Variants in ADD1 observed in about 807,000 individuals in gnomAD.
ADD1 encodes adducin 1, also known as alpha-adducin.
ADD1 carries 24 observed loss-of-function variants against 80.5 expected under a neutral mutation model. That is an observed-to-expected ratio of 0.30 (90% CI 0.22 to 0.42). ADD1 has a LOEUF of 0.42. Among genes scored for constraint, ADD1 ranks in the 10% least tolerant of loss-of-function variants. ADD1 has a pLI of 1.00. For missense variants in ADD1, 948 were observed against 1,019.0 expected (o/e 0.93, Z 0.95); for synonymous variants, 373 against 393.8 (o/e 0.95, Z 0.63).
At chr4:2,888,084 G>A (rs563049951) in intron 4 of ADD1, among the ~76,000 whole-genome samples, 1 of 152,104 alleles carries the variant, frequency 6.6e-6, no homozygotes, top group South Asian at 2.1e-4. Context: ...TTTTGAGACA[G>A]GGTCTCACTC....
chr4:2,925,178 G>A (rs2109216505), intron 14 of ADD1, among the ~76,000 whole-genome samples: 1 of 152,318 alleles, frequency 6.6e-6, no homozygotes, highest in East Asian at 1.9e-4. Flanking sequence ...GGTTGAGGCT[G>A]TATGCTCACT....
At chr4:2,885,326 A>G (rs1428519308) in intron 4 of ADD1, among the ~76,000 whole-genome samples, 1 of 152,122 alleles carries the variant, frequency 6.6e-6, no homozygotes, top group East Asian at 1.9e-4. Flanking sequence ...AGAGCCCATT[A>G]CCTTTCTCCA....
In ADD1 at chr4:2,928,313, AAGCCCCACTGAGGCCCCTACTGAGGCC is replaced by A; in HGVS notation, c.2197_2223del (p.Thr733_Pro741del). 6.2e-7 allele frequency: 1 copy of A among 1,613,782 alleles called. No homozygotes were observed. Among genetic ancestry groups the A allele is most frequent in the Non-Finnish European group, 8.5e-7 (1 of 1,179,960 alleles). On this transcript the variant is annotated inframe_deletion, in exon 16 of 16. Coordinates refer to ENST00000683351, the MANE Select transcript of ADD1 (RefSeq NM_001354761.2). ...AGGAGGAGGAAGCCCATAGACCCCCAAGCCCCACTGAGGCCCCTACTGAGGCCAGCCCCGAGCCAGCCCCAGACCCAG... is the reference window on the plus strand; with the variant it reads ...AGGAGGAGGAAGCCCATAGACCCCCAAGCCCCGAGCCAGCCCCAGACCCAG...
chr4:2,907,913 G>T (rs1158015034), intron 11 of ADD1, 69 bp downstream of exon 11: 5 of 1,298,230 alleles, frequency 3.9e-6, no homozygotes, highest in Non-Finnish European at 5.6e-6. Flanking sequence ...CTGCTTTGGG[G>T]GGAGCGGGTG....
At chr4:2,888,455 G>C (rs975255855) in intron 4 of ADD1, among the ~76,000 whole-genome samples, 1 of 142,664 alleles carries the variant, frequency 7.0e-6, no homozygotes, top group Non-Finnish European at 1.5e-5. Context: ...CTCACTCTGT[G>C]GCCCAGGCTG....
In ADD1 at chr4:2,923,088, A is replaced by T. The variant is rs191888867; in HGVS notation, c.1949-2926A>T. On this transcript the variant is annotated intron_variant, in intron 14 of 15. Transcript: ENST00000683351. Reference sequence around the variant, plus strand: ...GCTTGCTGGGCTCCATGGGGGTGGGATCTGCTGAGCAAGACCACTTGGCTC... The same window carrying T: ...GCTTGCTGGGCTCCATGGGGGTGGGTTCTGCTGAGCAAGACCACTTGGCTC... Among the ~76,000 whole-genome samples, 167 of 152,336 alleles carry T rather than the reference A, an allele frequency of 1.1e-3. 1 individual carries two copies. Among genetic ancestry groups the T allele is most frequent in the Admixed American group, 3.6e-3 (55 of 15,302 alleles).
At chr4:2,917,614 G>A (rs1427898787) in intron 14 of ADD1, among the ~76,000 whole-genome samples, 2 of 152,138 alleles carry the variant, frequency 1.3e-5, no homozygotes, top group East Asian at 3.9e-4. Context: ...CCATGCCTAT[G>A]TCCTGAATGG....
intron 1 of ADD1, among the ~76,000 whole-genome samples, chr4:2,856,684 T>C (rs995683589): frequency 6.8e-6 from 1 of 147,088 alleles, no homozygotes; most frequent in South Asian, 2.3e-4. Flanking sequence ...CTCCACCTCC[T>C]GGGTTCAAGT....
Position 2,907,781 on chromosome 4 carries a change from T to C in ADD1, c.1545T>C (p.Ala515=), listed in dbSNP as rs1182870229. 1.2e-6 allele frequency: 2 copies of C among 1,614,192 alleles called. No individual in the cohort carries two copies. The highest frequency in any genetic ancestry group is 1.7e-6 in the Non-Finnish European group (2 of 1,180,038). The change falls in exon 11 of 16, where the codon GCT becomes GCC. Residue 515 remains alanine, a synonymous_variant. Coordinates refer to ENST00000683351, the MANE Select transcript of ADD1 (RefSeq NM_001354761.2). The part of the protein sequence containing the change: ...KEDGHRTSTS[A]VPNLFVPLNT... Reference sequence around the variant, plus strand: ...ATGGACATAGAACTTCCACCTCTGCTGTCCCTAACCTGTTTGTTCCATTGA... The same window carrying C: ...ATGGACATAGAACTTCCACCTCTGCCGTCCCTAACCTGTTTGTTCCATTGA...
In ADD1 at chr4:2,928,287, AAGG is replaced by A. The variant is rs1712270965; in HGVS notation, c.2172_2174del (p.Glu725del). 1.2e-6 allele frequency: 2 copies of A among 1,614,036 alleles called. No individual in the cohort carries two copies. The highest frequency in any genetic ancestry group is 1.7e-6 in the Non-Finnish European group (2 of 1,180,020). ...AGCACTCGGCTTCCCAATGTTAGAG[AAGG>A]AGGAGGAAGCCCATAGACCCCCAAG... On this transcript the variant is annotated inframe_deletion, in exon 16 of 16. Transcript: ENST00000683351.
At chr4:2,921,774 A>G (rs1275436542) in intron 14 of ADD1, among the ~76,000 whole-genome samples, 1 of 152,140 alleles carries the variant, frequency 6.6e-6, no homozygotes, top group East Asian at 1.9e-4. Flanking sequence ...AGGCACACCA[A>G]TCAAATGTAG....
At position 2,926,131 on chromosome 4, in the gene ADD1, C is replaced by A; in HGVS notation, c.2047+19C>A. On this transcript the variant is annotated intron_variant, in intron 15 of 15. Transcript: ENST00000683351. The surrounding 1 kb of genome is among the most constrained non-coding windows in gnomAD (Gnocchi z 5.0). ...GAGGAAGGTGAGCTCTGGGTGGCAG[C>A]GGCCGCCACTGTGGGAGGGTGCACG... The A allele has an allele frequency of 6.2e-7, 1 of 1,604,672 alleles. No homozygotes were observed. Among genetic ancestry groups the A allele is most frequent in the Non-Finnish European group, 8.5e-7 (1 of 1,173,184 alleles).
intron 14 of ADD1, among the ~76,000 whole-genome samples, chr4:2,923,796 C>T (rs1368554849): frequency 6.6e-6 from 1 of 152,254 alleles, no homozygotes; most frequent in African/African-American, 2.4e-5. Flanking sequence ...TCATTTTCCC[C>T]CGGCTGGAGC....
At chr4:2,924,546 G>A (rs919451554) in intron 14 of ADD1, among the ~76,000 whole-genome samples, 1 of 152,204 alleles carries the variant, frequency 6.6e-6, no homozygotes, top group African/African-American at 2.4e-5. Flanking sequence ...CTTGTTGTGT[G>A]GGACTGACTG....
At chr4:2,880,256 C>G (rs1389666065) in intron 2 of ADD1, among the ~76,000 whole-genome samples, 1 of 152,018 alleles carries the variant, frequency 6.6e-6, no homozygotes, top group African/African-American at 2.4e-5. Flanking sequence ...CTATTCTACC[C>G]TTAATTAACA....
At chr4:2,890,831 T>C (rs1734191409) in intron 4 of ADD1, among the ~76,000 whole-genome samples, 1 of 152,204 alleles carries the variant, frequency 6.6e-6, no homozygotes, top group Admixed American at 6.5e-5. Flanking sequence ...TAAAGGCTTT[T>C]AAAGGAAGCA....
At chr4:2,927,932 T>G (rs1712146442) in intron 15 of ADD1, among the ~76,000 whole-genome samples, 1 of 152,160 alleles carries the variant, frequency 6.6e-6, no homozygotes, top group South Asian at 2.1e-4. Context: ...AGTCTGGTGT[T>G]GTCAGCACAC....
rs16843603 is a variant in ADD1, at chr4:2,926,850, T to C, written c.2047+738T>C. On this transcript the variant is annotated intron_variant, in intron 15 of 15. Coordinates refer to ENST00000683351, the MANE Select transcript of ADD1 (RefSeq NM_001354761.2). The surrounding 1 kb of genome is among the most constrained non-coding windows in gnomAD (Gnocchi z 5.0). Reference sequence around the variant, plus strand: ...CCTGGAAGTGGTTCAGTCACCTGAGTGCTGTGCTGCCTTCAGCGGCAGCGG... The same window carrying C: ...CCTGGAAGTGGTTCAGTCACCTGAGCGCTGTGCTGCCTTCAGCGGCAGCGG... 0.26 allele frequency among the ~76,000 whole-genome samples: 39,210 copies of C among 152,196 alleles called. 5,372 individuals are homozygous for C. Among genetic ancestry groups the C allele is most frequent in the Non-Finnish European group, 0.29 (19,415 of 68,002 alleles).
chr4:2,913,539 G>T (rs1339741078), intron 13 of ADD1, among the ~76,000 whole-genome samples: 1 of 152,152 alleles, frequency 6.6e-6, no homozygotes, highest in South Asian at 2.1e-4. Flanking sequence ...GTTGACTGTC[G>T]AGAGTCTCCA....
Sources: gnomAD v4.1 joint callset for allele counts (sites outside exome capture counted in the v4.1 genomes callset) on GRCh38, gnomAD v4.1.1 for gene constraint, Gnocchi (gnomAD v3.1) non-coding constraint, MANE v1.5 for transcripts, NCBI Gene and HGNC (gene_info 2026-07-23, HGNC 2026-07-21) for gene names.